Variants in DCK observed in about 807,000 individuals in gnomAD.
DCK encodes the protein deoxycytidine kinase.
In DCK, 23 loss-of-function variants were observed where a neutral mutation model predicts 38.3. The ratio of observed to expected loss-of-function variants is 0.60; its 90% CI spans 0.43 to 0.85. The LOEUF (loss-of-function observed/expected upper bound fraction) is 0.85. DCK is among the 40% of genes least tolerant of loss of function. The pLI is 0.00. For missense variants in DCK, 259 were observed against 304.4 expected (o/e 0.85, Z 1.11); for synonymous variants, 108 against 100.6 (o/e 1.07, Z -0.44).
At chr4:71,004,622 C>T (rs532358370) in intron 2 of DCK, among the ~76,000 whole-genome samples, 29 of 152,370 alleles carry the variant, frequency 1.9e-4, no homozygotes, top group South Asian at 4.1e-4. Context: ...AAGTCCCTGA[C>T]GGGGGCTGCT....
In DCK at chr4:71,022,459, C is replaced by T. The variant is rs11544786; in HGVS notation, c.300C>T (p.Ala100=). The T allele has an allele frequency of 0.057, 92,396 of 1,609,454 alleles. 3,092 individuals are homozygous for T. The highest frequency in any genetic ancestry group is 0.1 in the Middle Eastern group (607 of 6,030). ...ERWSFTFQTY[A]CLSRIRAQLA... The stretch of plus-strand genomic sequence containing the variant: ...GGTCTTTTACCTTCCAAACATATGC[C>T]TGTCTCAGTCGAATAAGAGCTCAGC... The change falls in exon 3 of 7, where the codon GCC becomes GCT. Residue 100 remains alanine, a synonymous_variant. Transcript: ENST00000286648.
In DCK at chr4:71,012,767, C is replaced by T. The variant is rs542049222; in HGVS notation, c.208-9600C>T. 3.9e-5 allele frequency among the ~76,000 whole-genome samples: 6 copies of T among 152,270 alleles called. No homozygotes were observed. The East Asian group carries it at 9.6e-4, about 24-fold the overall frequency. ...CATCCACACCAAAACCCCATCTGTACGTCACCATCATCAAAGACCAAAGGT... is the reference window on the plus strand; with the variant it reads ...CATCCACACCAAAACCCCATCTGTATGTCACCATCATCAAAGACCAAAGGT... On this transcript the variant is annotated intron_variant, in intron 2 of 6. Transcript: ENST00000286648.
At chr4:71,012,971 A>C (rs1037687308) in intron 2 of DCK, among the ~76,000 whole-genome samples, 6 of 152,226 alleles carry the variant, frequency 3.9e-5, no homozygotes, top group Admixed American at 2.0e-4. Flanking sequence ...TCTCCGAGCT[A>C]AAGGAGGAAG....
chr4:71,001,865 T>G (rs1056182376), intron 2 of DCK, among the ~76,000 whole-genome samples: 1 of 152,202 alleles, frequency 6.6e-6, no homozygotes, highest in East Asian at 1.9e-4. Context: ...CCCGCTTTTC[T>G]TCTTTATTAT....
intron 2 of DCK, among the ~76,000 whole-genome samples, chr4:71,011,099 C>A (rs1054017422): frequency 2.0e-5 from 3 of 151,840 alleles, no homozygotes; most frequent in Non-Finnish European, 4.4e-5. Flanking sequence ...TGTGCCACCA[C>A]GCCTGGCTAA....
chr4:71,009,239 C>G (rs993785661), intron 2 of DCK, among the ~76,000 whole-genome samples: 2 of 152,096 alleles, frequency 1.3e-5, no homozygotes, highest in Non-Finnish European at 2.9e-5. Context: ...TGTGGGATGC[C>G]TCATAGTTAA....
At chr4:71,023,833 A>C in intron 4 of DCK, 127 bp downstream of exon 4, 1 of 737,998 alleles carries the variant, frequency 1.4e-6, no homozygotes, top group Non-Finnish European at 2.1e-6. Flanking sequence ...CCACCTCTAA[A>C]TTAGAAACTT....
chr4:71,008,148 G>A (rs527236514), intron 2 of DCK, among the ~76,000 whole-genome samples: 4 of 152,196 alleles, frequency 2.6e-5, no homozygotes, highest in East Asian at 3.9e-4. Flanking sequence ...AAATTCACCC[G>A]CATACATGCA....
intron 2 of DCK, among the ~76,000 whole-genome samples, chr4:71,005,302 A>G (rs1359844405): frequency 6.6e-6 from 1 of 151,620 alleles, no homozygotes; most frequent in Non-Finnish European, 1.5e-5. Context: ...CACCCACTGT[A>G]TAACCAGTCC....
rs72552069 is a variant in DCK, at chr4:71,025,777, C to T, written c.550-39C>T. The T allele has an allele frequency of 2.4e-3, 3,815 of 1,558,802 alleles. 76 individuals carry two copies. In the African/African-American group the frequency reaches 0.045, roughly 18 times the overall value. On this transcript the variant is annotated intron_variant, in intron 4 of 6. Coordinates refer to ENST00000286648, the MANE Select transcript of DCK (RefSeq NM_000788.3). ...ATGGCAGCAGACAAGAATAATTGTT[C>T]CCTGCCTTTTTCTTCCATCTCTTAT...
At chr4:71,027,270 G>A (rs1414024332) in intron 6 of DCK, among the ~76,000 whole-genome samples, 6 of 152,078 alleles carry the variant, frequency 3.9e-5, no homozygotes, top group Non-Finnish European at 7.4e-5. Context: ...AAAGTCTTGA[G>A]ATTAAGGGAT....
intron 1 of DCK, 70 bp downstream of exon 1, chr4:70,993,996 C>A: frequency 8.9e-7 from 1 of 1,117,560 alleles, no homozygotes; most frequent in Non-Finnish European, 1.4e-6. Flanking sequence ...TTCCCTTCGC[C>A]GCATCTCTCT....
At chr4:71,021,233 G>A (rs912114203) in intron 2 of DCK, among the ~76,000 whole-genome samples, 20 of 151,178 alleles carry the variant, frequency 1.3e-4, no homozygotes, top group South Asian at 8.4e-4. Flanking sequence ...CCGCCACCGC[G>A]CCCGGCTAAT....
At chr4:71,028,147 C>T (rs4694362) in intron 6 of DCK, among the ~76,000 whole-genome samples, 75,799 of 152,080 alleles carry the variant, frequency 0.5, 21,705 homozygotes, top group East Asian at 0.75. Flanking sequence ...GCTTCAGAAA[C>T]ATGACAAATC....
intron 2 of DCK, among the ~76,000 whole-genome samples, chr4:71,009,391 A>G (rs1049909763): frequency 1.2e-4 from 18 of 152,234 alleles, no homozygotes; most frequent in Non-Finnish European, 4.4e-5. Flanking sequence ...GCTTGGAATC[A>G]GAGCCCAGAG....
intron 1 of DCK, among the ~76,000 whole-genome samples, chr4:70,994,679 GT>G (rs1345145615): frequency 6.6e-6 from 1 of 152,152 alleles, no homozygotes. Flanking sequence ...GCGAAGCATT[GT>G]TTTAGCTATA....
At position 70,993,863 on chromosome 4, in the gene DCK, C is replaced by A. The variant is rs762118458; in HGVS notation, c.28C>A (p.Pro10Thr). The A allele has an allele frequency of 3.7e-6, 6 of 1,613,878 alleles. No individual in the cohort carries two copies. The South Asian group carries it at 6.6e-5, about 18-fold the overall frequency. ...GGCCACCCCGCCCAAGAGAAGCTGC[C>A]CGTCTTTCTCAGCCAGCTCTGAGGG... MATPPKRSC[P>T]SFSASSEGTR... is the part of the protein sequence containing the mutation. The change falls in exon 1 of 7, where the codon CCG becomes ACG. Residue 10 changes from proline to threonine, a missense_variant. By Grantham distance (38) the Pro-to-Thr change is conservative (BLOSUM62 -1). Coordinates refer to ENST00000286648, the MANE Select transcript of DCK (RefSeq NM_000788.3).
At chr4:71,014,105 C>G (rs1392511296) in intron 2 of DCK, among the ~76,000 whole-genome samples, 1 of 152,140 alleles carries the variant, frequency 6.6e-6, no homozygotes, top group African/African-American at 2.4e-5. Flanking sequence ...AAAAAAAAGG[C>G]AGGTGTTGTA....
intron 4 of DCK, among the ~76,000 whole-genome samples, chr4:71,024,984 A>C (rs1387031040): frequency 6.6e-6 from 1 of 152,042 alleles, no homozygotes; most frequent in Non-Finnish European, 1.5e-5. Flanking sequence ...TTTGGATGAA[A>C]GGATTGTTTA....
Sources: allele counts gnomAD v4.1 joint callset (sites outside exome capture counted in the v4.1 genomes callset), GRCh38; gene constraint gnomAD v4.1.1; transcripts MANE v1.5; gene names NCBI Gene and HGNC (gene_info 2026-07-23, HGNC 2026-07-21).